CHSY1: variants seen among roughly 807,000 people sequenced by gnomAD.
CHSY1 encodes the protein chondroitin sulfate synthase 1, also known as N-acetylgalactosaminyl-proteoglycan 3-beta-glucuronosyltransferase 1.
CHSY1 carries 13 observed loss-of-function variants against 59.8 expected under a neutral mutation model. The observed-to-expected ratio is 0.22, with a 90% CI of 0.14 to 0.35. The LOEUF (loss-of-function observed/expected upper bound fraction) is 0.35, where lower values mean the gene tolerates loss of function less well. CHSY1 is among the 10% of genes least tolerant of loss of function. CHSY1 has a pLI of 1.00. For synonymous variants in CHSY1, 459 were observed against 401.2 expected, an observed-to-expected ratio of 1.14 and a Z score of -1.72; for missense variants, 947 against 1,030.6, an observed-to-expected ratio of 0.92 and a Z score of 1.11.
At chr15:101,188,369 T>C (rs551929724) in intron 2 of CHSY1, 64 of 172,932 alleles carry the variant, frequency 3.7e-4, no homozygotes, top group Middle Eastern at 3.0e-3. Flanking sequence ...AAGCAGGACC[T>C]TGTGAGATGA....
chr15:101,179,133 G>A (rs2038240672), intron 2 of CHSY1, among the ~76,000 whole-genome samples, 153 bp from the exon 3 acceptor site: 1 of 152,220 alleles, frequency 6.6e-6, no homozygotes, highest in African/African-American at 2.4e-5. Flanking sequence ...AGTCCAATGT[G>A]GTTAGAAGAA....
At chr15:101,203,572 T>A (rs2038594216) in intron 2 of CHSY1, among the ~76,000 whole-genome samples, 1 of 152,124 alleles carries the variant, frequency 6.6e-6, no homozygotes, top group African/African-American at 2.4e-5. Flanking sequence ...GAATAGGATA[T>A]CTCATGGCCT....
rs1292732448 is a variant in CHSY1, at chr15:101,222,636, T to G, written c.816+12446A>C. Among the ~76,000 whole-genome samples the G allele has an allele frequency of 3.3e-5, 5 of 152,340 alleles. No individual in the cohort carries two copies. The East Asian group carries it at 9.6e-4, about 29-fold the overall frequency. On this transcript the variant is annotated intron_variant, in intron 2 of 2. Coordinates refer to ENST00000254190, the MANE Select transcript of CHSY1 (RefSeq NM_014918.5). ...CAGTTTCCCGGTCTTTCCTTGCTTT[T>G]CCTGACCTGACACTTTTGAAGAACA...
At chr15:101,179,494 C>CA (rs2038245559) in intron 2 of CHSY1, among the ~76,000 whole-genome samples, 1 of 152,214 alleles carries the variant, frequency 6.6e-6, no homozygotes. Flanking sequence ...GAAAGCCTAT[C>CA]AGAGGCAGGA....
chr15:101,193,569 C>T (rs1279203691), intron 2 of CHSY1, among the ~76,000 whole-genome samples: 2 of 152,234 alleles, frequency 1.3e-5, no homozygotes, highest in Non-Finnish European at 2.9e-5. Flanking sequence ...GCCGCAGTCA[C>T]GCTGTGTGCA....
At chr15:101,232,231 G>A (rs1596451191) in intron 2 of CHSY1, among the ~76,000 whole-genome samples, 2 of 152,114 alleles carry the variant, frequency 1.3e-5, no homozygotes, top group South Asian at 2.1e-4. Context: ...AAAGCTTAAC[G>A]TAATTGTCTT....
At chr15:101,232,532 G>A (rs1360213782) in intron 2 of CHSY1, among the ~76,000 whole-genome samples, 1 of 152,234 alleles carries the variant, frequency 6.6e-6, no homozygotes, top group Non-Finnish European at 1.5e-5. Context: ...CTTCAAACAT[G>A]TAAGAAAACA....
chr15:101,218,547 G>A (rs563852755), intron 2 of CHSY1, among the ~76,000 whole-genome samples: 13 of 152,286 alleles, frequency 8.5e-5, no homozygotes, highest in Admixed American at 2.6e-4. Context: ...CCTGGGAGGC[G>A]GAGGTTGCAG....
At position 101,178,023 on chromosome 15, in the gene CHSY1, T is replaced by A; in HGVS notation, c.1774A>T (p.Ile592Phe). 1 of 1,614,190 alleles carries A rather than the reference T, an allele frequency of 6.2e-7. No individual in the cohort carries two copies. The highest frequency in any genetic ancestry group is 8.5e-7 in the Non-Finnish European group (1 of 1,180,040). The change falls in exon 3 of 3, where the codon ATT (isoleucine) becomes TTT (phenylalanine). Residue 592 changes from isoleucine to phenylalanine, a missense_variant. Transcript: ENST00000254190. ...TGCATGTCGGCTTTAGGGTACTTAA[T>A]GCGGTAATCTCTCATCAGTTCAACT... Reference protein sequence around the residue: ...KQVELMRDYRIKYPKADMQIL... With the variant: ...KQVELMRDYRFKYPKADMQIL...
At chr15:101,209,745 A>G (rs1567096873) in intron 2 of CHSY1, among the ~76,000 whole-genome samples, 1 of 152,212 alleles carries the variant, frequency 6.6e-6, no homozygotes, top group Non-Finnish European at 1.5e-5. Context: ...TGAATCAGAA[A>G]CTGTTCCAAC....
At chr15:101,238,809 AC>A (rs1481140799) in intron 1 of CHSY1, among the ~76,000 whole-genome samples, 1 of 152,260 alleles carries the variant, frequency 6.6e-6, no homozygotes, top group African/African-American at 2.4e-5. Context: ...TGTTCTAGGT[AC>A]TGCACTTCAT....
At chr15:101,209,174 A>G (rs1596443124) in intron 2 of CHSY1, among the ~76,000 whole-genome samples, 1 of 152,362 alleles carries the variant, frequency 6.6e-6, no homozygotes, top group Non-Finnish European at 1.5e-5. Flanking sequence ...AATACTACCA[A>G]TAACAGAGCA....
intron 2 of CHSY1, among the ~76,000 whole-genome samples, chr15:101,197,905 C>G (rs543518428): frequency 1.3e-5 from 2 of 152,154 alleles, no homozygotes; most frequent in Non-Finnish European, 2.9e-5. Context: ...CGCCTTATAT[C>G]TGAAACCTGA....
chr15:101,249,200 A>G (rs1165310132), intron 1 of CHSY1, among the ~76,000 whole-genome samples: 1 of 152,006 alleles, frequency 6.6e-6, no homozygotes, highest in East Asian at 1.9e-4. Flanking sequence ...TTCAGGGGGC[A>G]TGGGGGAGAT....
rs370777726 is a variant in CHSY1, at chr15:101,238,513, ATGTTAAC to A, written c.321-2943_321-2937del. Among the ~76,000 whole-genome samples, 129 of 152,320 alleles carry A rather than the reference ATGTTAAC, an allele frequency of 8.5e-4. 1 individual carries two copies. The Middle Eastern group carries it at 0.024, about 28-fold the overall frequency. ...TATACATTTTTTCATCACATTTAGG[ATGTTAAC>A]TGGAAGATGCACCATTGTTTTATCT... On this transcript the variant is annotated intron_variant, in intron 1 of 2. Transcript: ENST00000254190.
chr15:101,178,038 T>A lies in CHSY1; in HGVS notation c.1759A>T (p.Met587Leu). Residue 587 changes from methionine to leucine, a missense_variant, in exon 3 of 3, where the codon ATG becomes TTG. Physicochemically the swap from Met to Leu is conservative, Grantham distance 15. This residue lies in a region of CHSY1 where 602 missense variants were observed against 676.9 expected (regional missense o/e 0.89). Coordinates refer to ENST00000254190, the MANE Select transcript of CHSY1 (RefSeq NM_014918.5). ...GGGTACTTAATGCGGTAATCTCTCA[T>A]CAGTTCAACTTGTTTGGCCTTGTCA... ...NPDKAKQVEL[M>L]RDYRIKYPKA... 6.2e-7 allele frequency: 1 copy of A among 1,614,176 alleles called. No individual in the cohort carries two copies. The highest frequency in any genetic ancestry group is 1.1e-5 in the South Asian group (1 of 91,084).
Position 101,235,072 on chromosome 15 carries a change from C to G in CHSY1, c.816+10G>C, listed in dbSNP as rs1261634441. ...TAAGTTTTTCCCATGGTAAAGAATT[C>G]TGTTCTTACCTCATAAGACCAGACA... On this transcript the variant is annotated intron_variant, in intron 2 of 2. Coordinates refer to ENST00000254190, the MANE Select transcript of CHSY1 (RefSeq NM_014918.5). The G allele has an allele frequency of 2.5e-6, 4 of 1,612,916 alleles. No homozygotes were observed. The Admixed American group carries it at 6.7e-5, about 27-fold the overall frequency.
rs769118221 is a variant in CHSY1, at chr15:101,178,255, G to A, written c.1542C>T (p.Leu514=). The A allele has an allele frequency of 5.0e-6, 8 of 1,614,050 alleles. No homozygotes were observed. The highest frequency in any genetic ancestry group is 2.2e-5 in the East Asian group (1 of 44,888). Residue 514 remains leucine, a synonymous_variant, in exon 3 of 3, where the codon CTC becomes CTT. Transcript: ENST00000254190. ...LSFLSNSLKK[L]VPFQLPGSKS... is the part of the protein sequence containing the mutation. ...TCGACCCAGGGAGCTGAAAGGGGACGAGCTTCTTCAGGGAGTTTGAGAGAA... is the reference window on the plus strand; with the variant it reads ...TCGACCCAGGGAGCTGAAAGGGGACAAGCTTCTTCAGGGAGTTTGAGAGAA...
intron 2 of CHSY1, chr15:101,189,480 G>A (rs768848248): frequency 7.8e-5 from 77 of 985,406 alleles, no homozygotes; most frequent in African/African-American, 2.4e-4. Context: ...GGACCAGGAC[G>A]TGCCACACAG....
Sources: gnomAD v4.1 joint callset for allele counts (sites outside exome capture counted in the v4.1 genomes callset) on GRCh38, gnomAD v4.1.1 for gene constraint, gnomAD v4.1.1 regional missense constraint, MANE v1.5 for transcripts, NCBI Gene and HGNC (gene_info 2026-07-23, HGNC 2026-07-21) for gene names.